GSDME: variants seen among roughly 807,000 people sequenced by gnomAD.
The protein encoded by GSDME is gasdermin E, also known as gasdermin-E.
In GSDME, 44 loss-of-function variants were observed where a neutral mutation model predicts 47.5. That is an observed-to-expected ratio of 0.93 (90% CI 0.73 to 1.19). The LOEUF is 1.19. Among genes scored for constraint, GSDME ranks in the 50% most tolerant of loss-of-function variants. GSDME has a pLI of 0.00. For missense variants in GSDME, 663 were observed against 604.2 expected, an observed-to-expected ratio of 1.10 and a Z score of -1.02; for synonymous variants, 258 against 252.8, an observed-to-expected ratio of 1.02 and a Z score of -0.20.
chr7:24,706,511 T>C (rs1424172836), intron 7 of GSDME, 135 bp from the exon 8 acceptor site: 1 of 826,372 alleles, frequency 1.2e-6, no homozygotes, highest in African/African-American at 1.7e-5. Flanking sequence ...AGCTCTTCTC[T>C]ACGTTCTGAA....
At chr7:24,718,476 A>T (rs751024936) in intron 4 of GSDME, among the ~76,000 whole-genome samples, 2 of 152,208 alleles carry the variant, frequency 1.3e-5, no homozygotes, top group African/African-American at 2.4e-5. Flanking sequence ...CCCACAAAGG[A>T]TTTGCAGCAG....
At position 24,705,976 on chromosome 7, in the gene GSDME, C is replaced by T. The variant is rs1584048339; in HGVS notation, c.1183+208G>A. ...AGGGCCCTCCGGGAGAGTAGGGAGG[C>T]TTGTGCTGGATGGAAAGGCACAGAC... On this transcript the variant is annotated intron_variant, in intron 8 of 9. Transcript: ENST00000645220. This position sits in a 1 kb window ranked among gnomAD's most constrained non-coding sequence, Gnocchi z 4.1. 4.5e-6 allele frequency: 3 copies of T among 660,910 alleles called. No homozygotes were observed. Among genetic ancestry groups the T allele is most frequent in the East Asian group, 2.8e-5 (1 of 35,886 alleles). 40.9% of individuals were successfully genotyped at this position (660,910 alleles called of 1,614,324 possible).
Position 24,732,986 on chromosome 7 carries a change from A to G in GSDME, c.404+11576T>C, listed in dbSNP as rs1790193684. 1.3e-5 allele frequency among the ~76,000 whole-genome samples: 2 copies of G among 152,084 alleles called. No homozygotes were observed. The highest frequency in any genetic ancestry group is 4.8e-5 in the African/African-American group (2 of 41,412). On this transcript the variant is annotated intron_variant, in intron 3 of 9. Transcript: ENST00000645220. The surrounding 1 kb of genome is among the most constrained non-coding windows in gnomAD (Gnocchi z 4.8). Reference sequence around the variant, plus strand: ...ATCTAACCCTCCCCCAACTCCAAGCAGCACAACATGCAGCTCCAAAAGAGA... The same window carrying G: ...ATCTAACCCTCCCCCAACTCCAAGCGGCACAACATGCAGCTCCAAAAGAGA...
At chr7:24,717,425 G>T (rs1410877651) in intron 4 of GSDME, 51 bp from the exon 5 acceptor site, 3 of 1,613,326 alleles carry the variant, frequency 1.9e-6, no homozygotes, top group African/African-American at 1.3e-5. Context: ...TCTCCAAGCT[G>T]CTCTGTTCCC....
At chr7:24,794,085 T>C in the GSDME span, among the ~76,000 whole-genome samples, 2 of 152,108 alleles carry the variant, frequency 1.3e-5, no homozygotes, top group East Asian at 3.8e-4. Context: ...GTTCTAAATT[T>C]ACCTTGGCTT....
Position 24,724,651 on chromosome 7 carries a change from C to T in GSDME, c.405-5433G>A, listed in dbSNP as rs1017232528. 8 of 152,294 alleles carry T rather than the reference C, an allele frequency of 5.3e-5. No homozygotes were observed. The highest frequency in any genetic ancestry group is 1.9e-4 in the African/African-American group (8 of 41,464). The allele number at this position is 152,294 out of a possible 1,614,324, so 9.4% of individuals were successfully genotyped here. A position where few individuals can be genotyped will look rare whatever the true frequency, so the allele number is the denominator to read the frequency against. On this transcript the variant is annotated intron_variant, in intron 3 of 9. Transcript: ENST00000645220. This position sits in a 1 kb window ranked among gnomAD's most constrained non-coding sequence, Gnocchi z 4.8. ...AGGGGCTTGGCTCAACTCCGCCCAC[C>T]CAGTTCTACTGTGAGGTTGCCCTTC...
In GSDME at chr7:24,732,676, A is replaced by C. The variant is rs991462686; in HGVS notation, c.404+11886T>G. Among the ~76,000 whole-genome samples the C allele has an allele frequency of 6.6e-6, 1 of 152,188 alleles. No homozygotes were observed. The highest frequency in any genetic ancestry group is 1.9e-4 in the East Asian group (1 of 5,184). ...ACTTTGCATGGAACTCAGTGCTGCC[A>C]ACACCGGGCAGAACTCAGCCAGCGC... On this transcript the variant is annotated intron_variant, in intron 3 of 9. Transcript: ENST00000645220. This position sits in a 1 kb window ranked among gnomAD's most constrained non-coding sequence, Gnocchi z 4.8.
the GSDME span, among the ~76,000 whole-genome samples, chr7:24,787,677 GT>G: frequency 1.6e-4 from 24 of 149,146 alleles, no homozygotes; most frequent in African/African-American, 4.7e-4. The surrounding 1 kb of genome is among the most constrained non-coding windows in gnomAD (Gnocchi z 5.0). Context: ...AACCAAAGAG[GT>G]TTTTTTTTTG....
At chr7:24,751,138 A>G (rs1011183060) in intron 1 of GSDME, among the ~76,000 whole-genome samples, 3 of 152,218 alleles carry the variant, frequency 2.0e-5, no homozygotes, top group Non-Finnish European at 2.9e-5. Context: ...AATGCTTAAC[A>G]TATTTTTTAA....
rs1270507226 is a variant in GSDME, at chr7:24,699,086, G to A, written c.1431C>T (p.Phe477=). 2 of 1,614,134 alleles carry A rather than the reference G, an allele frequency of 1.2e-6. No individual in the cohort carries two copies. Among genetic ancestry groups the A allele is most frequent in the Non-Finnish European group, 1.7e-6 (2 of 1,180,004 alleles). ...TCAGGGTTATACAAAGAAGCAGTGGGAAGACTTTAGAGTCCTTCAGAATGA... is the reference window on the plus strand; with the variant it reads ...TCAGGGTTATACAAAGAAGCAGTGGAAAGACTTTAGAGTCCTTCAGAATGA... ...KAVILKDSKV[F]PLLLCITLNG... The change falls in exon 10 of 10, where the codon TTC becomes TTT. Residue 477 remains phenylalanine (F), a synonymous_variant. Transcript: ENST00000645220.
intron 4 of GSDME, 106 bp from the exon 5 acceptor site, chr7:24,717,480 A>G (rs745377599): frequency 1.3e-6 from 2 of 1,548,496 alleles, no homozygotes; most frequent in Non-Finnish European, 1.8e-6. Flanking sequence ...ATGCTGAGCA[A>G]TGTCCACAGA....
At chr7:24,767,880 C>A in the GSDME span, among the ~76,000 whole-genome samples, 1 of 152,164 alleles carries the variant, frequency 6.6e-6, no homozygotes, top group African/African-American at 2.4e-5. This position sits in a 1 kb window ranked among gnomAD's most constrained non-coding sequence, Gnocchi z 5.3. Flanking sequence ...TTGTGTAATA[C>A]TTTATTAAGT....
In GSDME at chr7:24,744,578, T is replaced by C; in HGVS notation, c.388A>G (p.Arg130Gly). Reference sequence around the variant, plus strand: ...TCTCCTTACCTCTCGGCAGAGTCTCTGATGAGCTGCTGCAAATCCACCTCC... The same window carrying C: ...TCTCCTTACCTCTCGGCAGAGTCTCCGATGAGCTGCTGCAAATCCACCTCC... ...KQEVDLQQLI[R>G]DSAERTINLR... Residue 130 changes from arginine (R) to glycine (G), a missense_variant, in exon 3 of 10, where the codon AGA becomes GGA. Arg to Gly is a moderately radical substitution (Grantham distance 125). Transcript: ENST00000645220. This position sits in a 1 kb window ranked among gnomAD's most constrained non-coding sequence, Gnocchi z 4.5. 5 of 1,614,224 alleles carry C rather than the reference T, an allele frequency of 3.1e-6. No homozygotes were observed. The highest frequency in any genetic ancestry group is 4.2e-6 in the Non-Finnish European group (5 of 1,180,046).
At chr7:24,746,451 A>G (rs1182383461) in intron 2 of GSDME, among the ~76,000 whole-genome samples, 2 of 149,240 alleles carry the variant, frequency 1.3e-5, no homozygotes, top group South Asian at 2.2e-4. Context: ...GCGGGTTTAT[A>G]TATGGAAAGC....
chr7:24,699,270 A>G lies in GSDME; in HGVS notation c.1258-11T>C, dbSNP rs1421462490. The G allele has an allele frequency of 1.9e-6, 3 of 1,569,818 alleles. No homozygotes were observed. The highest frequency in any genetic ancestry group is 2.7e-5 in the African/African-American group (2 of 74,138). The stretch of plus-strand genomic sequence containing the variant: ...AGACAGAGCACGAAGCTGAAATGAC[A>G]CATTTAAACAAATTCACTTTTAAAA... On this transcript the variant is annotated splice_polypyrimidine_tract_variant and intron_variant, in intron 9 of 9. Coordinates refer to ENST00000645220, the MANE Select transcript of GSDME (RefSeq NM_001127453.2).
intron 6 of GSDME, among the ~76,000 whole-genome samples, 200 bp downstream of exon 6, chr7:24,710,019 TACAGC>T (rs1789282525): frequency 6.6e-6 from 1 of 152,090 alleles, no homozygotes; most frequent in Admixed American, 6.5e-5. Context: ...CTTCCTAAAA[TACAGC>T]ACCCACAACC....
chr7:24,720,034 ACTT>A (rs1191862273), intron 3 of GSDME, among the ~76,000 whole-genome samples: 4 of 152,272 alleles, frequency 2.6e-5, no homozygotes, highest in Non-Finnish European at 4.4e-5. Context: ...CTAAGAGGAA[ACTT>A]CTTAACCTGT....
the GSDME span, among the ~76,000 whole-genome samples, chr7:24,765,503 C>T: frequency 3.3e-5 from 5 of 152,210 alleles, no homozygotes; most frequent in Admixed American, 2.6e-4. Flanking sequence ...AGGCCAACTG[C>T]TCAACCCAAT....
Position 24,739,113 on chromosome 7 carries a change from A to G in GSDME, c.404+5449T>C, listed in dbSNP as rs537448735. Among the ~76,000 whole-genome samples, 10 of 152,350 alleles carry G rather than the reference A, an allele frequency of 6.6e-5. No individual in the cohort carries two copies. Among genetic ancestry groups the G allele is most frequent in the Middle Eastern group, 3.4e-3 (1 of 294 alleles). On this transcript the variant is annotated intron_variant, in intron 3 of 9. Transcript: ENST00000645220. The surrounding 1 kb of genome is among the most constrained non-coding windows in gnomAD (Gnocchi z 5.1). ...TAACATCCCACAGACACGAACCACT[A>G]AAGCAAAAATGGACAAATGGAATCA...
Sources: allele counts gnomAD v4.1 joint callset (sites outside exome capture counted in the v4.1 genomes callset), GRCh38; gene constraint gnomAD v4.1.1; non-coding constraint Gnocchi (gnomAD v3.1); transcripts MANE v1.5; gene names NCBI Gene and HGNC (gene_info 2026-07-23, HGNC 2026-07-21).